Variants in PLD2 observed in about 807,000 individuals in gnomAD.
The protein encoded by PLD2 is phospholipase D2.
In PLD2, 101 loss-of-function variants were observed where a neutral mutation model predicts 119.8. The observed-to-expected ratio is 0.84, with a 90% confidence interval of 0.72 to 0.99. PLD2 has a LOEUF of 0.99. Among genes scored for constraint, PLD2 ranks in the 50% least tolerant of loss-of-function variants. The pLI is 0.00. For missense variants in PLD2, 1,164 were observed against 1,226.8 expected (o/e 0.95, Z 0.76); for synonymous variants, 494 against 482.8 (o/e 1.02, Z -0.30).
rs546334143 is a variant in PLD2 at position 4,809,353 on chromosome 17, A to G, written c.545A>G (p.Tyr182Cys). The G allele has an allele frequency of 6.2e-7, 1 of 1,613,892 alleles. No individual in the cohort carries two copies. Among genetic ancestry groups the G allele is most frequent in the Non-Finnish European group, 8.5e-7 (1 of 1,179,834 alleles). ...RLLTMSFYRN[Y>C]HAMTEFLEVS... ...TTGACCATGTCTTTCTATCGCAACT[A>G]CCATGCCATGGTAAGGTCCAGGGGC... The change falls in exon 6 of 25, where the codon TAC becomes TGC. Residue 182 changes from tyrosine (Y) to cysteine (C), a missense_variant. Coordinates refer to ENST00000263088, the MANE Select transcript of PLD2 (RefSeq NM_002663.5).
At position 4,818,059 on chromosome 17, in the gene PLD2, G is replaced by A. The variant is rs1597333927; in HGVS notation, c.1873G>A (p.Ala625Thr). 1 of 1,614,164 alleles carries A rather than the reference G, an allele frequency of 6.2e-7. No homozygotes were observed. Among genetic ancestry groups the A allele is most frequent in the East Asian group, 2.2e-5 (1 of 44,880 alleles). Residue 625 changes from alanine (A) to threonine (T), a missense_variant, in exon 18 of 25, where the codon GCC becomes ACC. Ala to Thr is a moderately conservative substitution (Grantham distance 58). Transcript: ENST00000263088. The stretch of plus-strand genomic sequence containing the variant: ...GACTCTGGAGAACTCCATCCTCAAT[G>A]CCTACCTGCACACCATCAGGGAGAG... ...AGTLENSILN[A>T]YLHTIRESQH...
Position 4,814,641 on chromosome 17 carries a change from C to T in PLD2, c.1103C>T (p.Pro368Leu). The change falls in exon 12 of 25, where the codon CCT (proline) becomes CTT (leucine). Residue 368 changes from proline (P) to leucine (L), a missense_variant. Physicochemically the swap from Pro to Leu is moderately conservative, Grantham distance 98. Transcript: ENST00000263088. Reference sequence around the variant, plus strand: ...ACTGCCCTGAATCCCAGGTTGAGTCCTGAGGTTTACCTGAAGCGTCCGGCC... The same window carrying T: ...ACTGCCCTGAATCCCAGGTTGAGTCTTGAGGTTTACCTGAAGCGTCCGGCC... ...EIFITDWWLS[P>L]EVYLKRPAHS... The T allele has an allele frequency of 6.2e-7, 1 of 1,614,020 alleles. No homozygotes were observed. Among genetic ancestry groups the T allele is most frequent in the Non-Finnish European group, 8.5e-7 (1 of 1,180,018 alleles).
rs1906072247 is a variant in PLD2, at chr17:4,808,211, T to C, written c.241-63T>C. ...CCCAGGGAAGGGGCAAAAGGAGGGC[T>C]GGCCAGAGTGGGGAGGCGGGGACCC... On this transcript the variant is annotated intron_variant, in intron 3 of 24. Transcript: ENST00000263088. This position sits in a 1 kb window ranked among gnomAD's most constrained non-coding sequence, Gnocchi z 4.1. 3.1e-6 allele frequency: 5 copies of C among 1,595,778 alleles called. No homozygotes were observed. Among genetic ancestry groups the C allele is most frequent in the Non-Finnish European group, 4.3e-6 (5 of 1,167,974 alleles).
At chr17:4,818,161 C>A (rs775474766) in intron 18 of PLD2, 55 bp downstream of exon 18, 4 of 1,451,050 alleles carry the variant, frequency 2.8e-6, no homozygotes, top group Admixed American at 3.4e-5. Context: ...AGGAGAGAGA[C>A]CTGGGGAATG....
At position 4,809,949 on chromosome 17, in the gene PLD2, C is replaced by A; in HGVS notation, c.780C>A (p.Leu260=). 1 of 1,614,160 alleles carries A rather than the reference C, an allele frequency of 6.2e-7. No homozygotes were observed. ...CAGGTGCCATCTCATTTGTTCAGCTCTTTGACCCTGGCTTTGAGGTGCAAG... is the reference window on the plus strand; with the variant it reads ...CAGGTGCCATCTCATTTGTTCAGCTATTTGACCCTGGCTTTGAGGTGCAAG... ...LETGAISFVQ[L]FDPGFEVQVG... Residue 260 remains leucine, a synonymous_variant, in exon 9 of 25, where the codon CTC becomes CTA. Transcript: ENST00000263088.
At position 4,808,412 on chromosome 17, in the gene PLD2, G is replaced by T. The variant is rs773535239; in HGVS notation, c.379G>T (p.Ala127Ser). The change falls in exon 4 of 25, where the codon GCT becomes TCT. Residue 127 changes from alanine to serine, a missense_variant. Physicochemically the swap from Ala to Ser is moderately conservative, Grantham distance 99. Coordinates refer to ENST00000263088, the MANE Select transcript of PLD2 (RefSeq NM_002663.5). This position sits in a 1 kb window ranked among gnomAD's most constrained non-coding sequence, Gnocchi z 4.1. ...AGTCTTGATGAGTCTGCTCCCTCTG[G>T]CTCGGTGAGGGCGACCGGACTGCTT... ...HKVLMSLLPL[A>S]RFAVAYSPAR... 1 of 1,613,628 alleles carries T rather than the reference G, an allele frequency of 6.2e-7. No individual in the cohort carries two copies. Among genetic ancestry groups the T allele is most frequent in the East Asian group, 2.2e-5 (1 of 44,880 alleles).
At chr17:4,810,675 A>G (rs1336953726) in intron 9 of PLD2, 127 bp from the exon 10 acceptor site, 4 of 887,218 alleles carry the variant, frequency 4.5e-6, no homozygotes, top group East Asian at 5.2e-5. Flanking sequence ...AGGCAGATAC[A>G]TACACGCCCT....
At chr17:4,813,431 T>G (rs2326098) in intron 10 of PLD2, among the ~76,000 whole-genome samples, 151,986 of 152,332 alleles carry the variant, frequency 1, 75,821 homozygotes, top group Non-Finnish European at 1. Context: ...TAGACACTTA[T>G]ATTATTTCCC....
At chr17:4,816,246 G>C (rs1416328350) in intron 14 of PLD2, among the ~76,000 whole-genome samples, 1 of 152,100 alleles carries the variant, frequency 6.6e-6, no homozygotes, top group Non-Finnish European at 1.5e-5. Flanking sequence ...AGCTGGGCAT[G>C]GTGGCAGTTG....
chr17:4,819,238 C>A lies in PLD2; in HGVS notation c.2308+20C>A, dbSNP rs760833346. 7 of 1,613,226 alleles carry A rather than the reference C, an allele frequency of 4.3e-6. No individual in the cohort carries two copies. Among genetic ancestry groups the A allele is most frequent in the Non-Finnish European group, 5.9e-6 (7 of 1,179,686 alleles). On this transcript the variant is annotated intron_variant, in intron 22 of 24. Transcript: ENST00000263088. The surrounding 1 kb of genome is among the most constrained non-coding windows in gnomAD (Gnocchi z 4.2). ...TCATTGGTCAGTGCCGGATCTAGTC[C>A]TCTGGCAGGGAGAGGGTGTGGGGAC...
intron 11 of PLD2, 45 bp from the exon 12 acceptor site, chr17:4,814,588 G>A (rs1417690804): frequency 1.2e-6 from 2 of 1,613,204 alleles, no homozygotes; most frequent in Non-Finnish European, 1.7e-6. Context: ...TGCAGCTGGT[G>A]GTCTGGGGCT....
chr17:4,809,766 T>G lies in PLD2; in HGVS notation c.690T>G (p.Cys230Trp). The change falls in exon 8 of 25, where the codon TGT becomes TGG. Residue 230 changes from cysteine (C) to tryptophan (W), a missense_variant. Physicochemically the swap from Cys to Trp is radical, Grantham distance 215. Transcript: ENST00000263088. ...CCTGCTGTGGCCGAGACCAAGTTTG[T>G]TATCGCTGGTCCAAGAGGTACGGGC... Reference protein sequence around the residue: ...GLTCCGRDQVCYRWSKRWLVV... With the variant: ...GLTCCGRDQVWYRWSKRWLVV... The G allele has an allele frequency of 6.2e-7, 1 of 1,614,116 alleles. No homozygotes were observed.
intron 18 of PLD2, 92 bp downstream of exon 18, chr17:4,818,198 G>A (rs112711406): frequency 2.8e-6 from 4 of 1,419,026 alleles, no homozygotes; most frequent in Non-Finnish European, 4.0e-6. Context: ...GAGGGCTGGT[G>A]GAGCAGAAGC....
Position 4,813,630 on chromosome 17 carries a change from C to A in PLD2, c.1011-788C>A, listed in dbSNP as rs964751750. The stretch of plus-strand genomic sequence containing the variant: ...ATCCCAGCACTTTGGGAGGCCGAGG[C>A]GGGTAGATCATTGGGGTCAGGAGTT... On this transcript the variant is annotated intron_variant, in intron 10 of 24. Coordinates refer to ENST00000263088, the MANE Select transcript of PLD2 (RefSeq NM_002663.5). 3.9e-5 allele frequency among the ~76,000 whole-genome samples: 6 copies of A among 152,204 alleles called. No homozygotes were observed. The South Asian group carries it at 8.3e-4, about 21-fold the overall frequency.
rs370001057 is a variant in PLD2, at chr17:4,807,745, C to T, written c.-1-27C>T. 2.6e-5 allele frequency: 35 copies of T among 1,350,418 alleles called. No homozygotes were observed. The highest frequency in any genetic ancestry group is 3.4e-5 in the Non-Finnish European group (32 of 954,102). 83.7% of individuals were successfully genotyped at this position (1,350,418 alleles called of 1,614,324 possible). A position where few individuals can be genotyped will look rare whatever the true frequency, so the allele number is the denominator to read the frequency against. On this transcript the variant is annotated intron_variant, in intron 1 of 24. Coordinates refer to ENST00000263088, the MANE Select transcript of PLD2 (RefSeq NM_002663.5). The surrounding 1 kb of genome is among the most constrained non-coding windows in gnomAD (Gnocchi z 5.4). ...GGGCGGGTTCTGCAGGACAGCTCGC[C>T]TCCCTGAGGCTTCCCAATGTTCCTA...
Position 4,819,416 on chromosome 17 carries a change from G to A in PLD2, c.2309-13G>A, listed in dbSNP as rs201502488. 376 of 1,611,844 alleles carry A rather than the reference G, an allele frequency of 2.3e-4. No homozygotes were observed. Among genetic ancestry groups the A allele is most frequent in the African/African-American group, 3.7e-4 (28 of 74,972 alleles). On this transcript the variant is annotated splice_polypyrimidine_tract_variant and intron_variant, in intron 22 of 24. Coordinates refer to ENST00000263088, the MANE Select transcript of PLD2 (RefSeq NM_002663.5). The surrounding 1 kb of genome is among the most constrained non-coding windows in gnomAD (Gnocchi z 4.2). ...TGGGCCCAAGCACACAGTGTGCCCC[G>A]CATCCACCCCAGGTTCTGCAAACAT...
At position 4,809,728 on chromosome 17, in the gene PLD2, G is replaced by A. The variant is rs750220547; in HGVS notation, c.652G>A (p.Val218Ile). The A allele has an allele frequency of 1.2e-6, 2 of 1,614,110 alleles. No homozygotes were observed. Among genetic ancestry groups the A allele is most frequent in the East Asian group, 2.2e-5 (1 of 44,900 alleles). The part of the protein sequence containing the change: ...MIRKRSGGHR[V>I]PGLTCCGRDQ... ...CCGGAAGCGCTCAGGTGGCCACCGTGTTCCTGGCCTCACCTGCTGTGGCCG... is the reference window on the plus strand; with the variant it reads ...CCGGAAGCGCTCAGGTGGCCACCGTATTCCTGGCCTCACCTGCTGTGGCCG... The change falls in exon 8 of 25, where the codon GTT becomes ATT. Residue 218 changes from valine (V) to isoleucine (I), a missense_variant. Transcript: ENST00000263088.
At chr17:4,809,039 T>C in intron 4 of PLD2, 61 bp from the exon 5 acceptor site, 1 of 1,329,300 alleles carries the variant, frequency 7.5e-7, no homozygotes, top group Non-Finnish European at 1.1e-6. Context: ...TCCAGTGTTT[T>C]CAGGAACCAG....
chr17:4,820,858 G>A lies in PLD2; in HGVS notation c.2463-935G>A, dbSNP rs188332895. On this transcript the variant is annotated intron_variant, in intron 23 of 24. Transcript: ENST00000263088. ...CCCAAAGTGCTGGGATTACAGGCATGAGCCACCACGCCCGGCCAAAAAAAA... is the reference window on the plus strand; with the variant it reads ...CCCAAAGTGCTGGGATTACAGGCATAAGCCACCACGCCCGGCCAAAAAAAA... Among the ~76,000 whole-genome samples the A allele has an allele frequency of 4.3e-3, 644 of 149,608 alleles. 2 individuals carry two copies. Among genetic ancestry groups the A allele is most frequent in the Non-Finnish European group, 4.4e-3 (298 of 67,526 alleles).
Sources: gnomAD v4.1 joint callset for allele counts (sites outside exome capture counted in the v4.1 genomes callset) on GRCh38, gnomAD v4.1.1 for gene constraint, Gnocchi (gnomAD v3.1) non-coding constraint, MANE v1.5 for transcripts, NCBI Gene and HGNC (gene_info 2026-07-23, HGNC 2026-07-21) for gene names.